The following RABEPK variants were observed in gnomAD, a reference collection of about 807,000 sequenced individuals.
RABEPK encodes the protein 40 kDa Rab9 effector protein.
RABEPK carries 27 observed loss-of-function variants against 34.1 expected under a neutral mutation model. The observed-to-expected ratio is 0.79, with a 90% CI of 0.58 to 1.09. RABEPK has a LOEUF of 1.09. Ranked by LOEUF, RABEPK falls within the 50% of genes least tolerant of loss-of-function variation. RABEPK has a pLI of 0.00. For synonymous variants in RABEPK, 172 were observed against 169.2 expected (o/e 1.02, Z -0.13); for missense variants, 449 against 462.6 (o/e 0.97, Z 0.27).
intron 2 of RABEPK, among the ~76,000 whole-genome samples, chr9:125,205,678 C>T (rs1162130852): frequency 2.6e-5 from 4 of 152,134 alleles, no homozygotes; most frequent in South Asian, 2.1e-4. Flanking sequence ...TTAGTAGAGA[C>T]GGGGTTTCAT....
chr9:125,220,795 C>A, intron 5 of RABEPK, 95 bp downstream of exon 5: 2 of 1,377,592 alleles, frequency 1.5e-6, no homozygotes. Context: ...GAAAGCCTGA[C>A]TAAGTGTCTC....
At chr9:125,202,405 T>C (rs1391069733) in intron 1 of RABEPK, among the ~76,000 whole-genome samples, 3 of 151,096 alleles carry the variant, frequency 2.0e-5, no homozygotes, top group Admixed American at 2.0e-4. Flanking sequence ...ACCTGTAATC[T>C]CAGCTACTCA....
At chr9:125,221,665 A>G (rs1831343482) in intron 5 of RABEPK, 1 of 149,860 alleles carries the variant, frequency 6.7e-6, no homozygotes, top group South Asian at 2.1e-4. Context: ...TGCCTGGGTG[A>G]TTTTTTTTCT....
Position 125,213,407 on chromosome 9 carries a change from C to T in RABEPK, c.249C>T (p.Leu83=). Reference sequence around the variant, plus strand: ...GGGACTTAGATACCTGCAAGGGCCTCTTGCCCCGGTATGAACATGCTAGCT... The same window carrying T: ...GGGACTTAGATACCTGCAAGGGCCTTTTGCCCCGGTATGAACATGCTAGCT... The part of the protein sequence containing the change: ...HQWDLDTCKG[L]LPRYEHASFI... Residue 83 remains leucine, a synonymous_variant, in exon 4 of 8, where the codon CTC becomes CTT. Transcript: ENST00000373538. 1 of 1,613,936 alleles carries T rather than the reference C, an allele frequency of 6.2e-7. No homozygotes were observed. The highest frequency in any genetic ancestry group is 8.5e-7 in the Non-Finnish European group (1 of 1,179,940).
In RABEPK at chr9:125,200,756, C is replaced by A. The variant is rs1309455431; in HGVS notation, c.-157C>A. 2.1e-6 allele frequency: 1 copy of A among 471,096 alleles called. No individual in the cohort carries two copies. Among genetic ancestry groups the A allele is most frequent in the Admixed American group, 2.3e-5 (1 of 42,566 alleles). The allele number at this position is 471,096 out of a possible 1,614,324, so 29.2% of individuals were successfully genotyped here. On this transcript the variant is annotated 5_prime_UTR_variant, in exon 1 of 8. Coordinates refer to ENST00000373538, the MANE Select transcript of RABEPK (RefSeq NM_005833.4). ...TTTGACCGAATCAGCCTGTTCTTTC[C>A]CGACCCCGTCTCCTATCCCCTAGAA... is the stretch of plus-strand genomic sequence containing the variant.
At chr9:125,218,770 G>A (rs565301676) in intron 4 of RABEPK, among the ~76,000 whole-genome samples, 246 of 151,920 alleles carry the variant, frequency 1.6e-3, no homozygotes, top group African/African-American at 5.7e-3. Flanking sequence ...TGTAACCCAG[G>A]CTGGAGTTGC....
chr9:125,229,991 G>A (rs767074433), intron 6 of RABEPK, among the ~76,000 whole-genome samples: 26 of 152,268 alleles, frequency 1.7e-4, no homozygotes, highest in Non-Finnish European at 2.6e-4. Context: ...TTGAGATAGT[G>A]TCTCACTTGG....
intron 5 of RABEPK, among the ~76,000 whole-genome samples, chr9:125,226,408 T>C (rs1831751684): frequency 6.6e-6 from 1 of 151,862 alleles, no homozygotes; most frequent in Non-Finnish European, 1.5e-5. Context: ...ATGAAATTGT[T>C]ATTGAAACAT....
At position 125,232,628 on chromosome 9, in the gene RABEPK, G is replaced by GGGGCTGCTCCAGCAGGCT; in HGVS notation, c.711_728dup (p.Gly242_Cys243insTrpAlaAlaProAlaGly). 1 of 1,613,920 alleles carries GGGGCTGCTCCAGCAGGCT rather than the reference G, an allele frequency of 6.2e-7. No homozygotes were observed. The highest frequency in any genetic ancestry group is 8.5e-7 in the Non-Finnish European group (1 of 1,179,878). On this transcript the variant is annotated inframe_insertion, in exon 7 of 8. Coordinates refer to ENST00000373538, the MANE Select transcript of RABEPK (RefSeq NM_005833.4). ...GAAATGGCAGAAGCTAAATCCCACT[G>GGGGCTGCTCCAGCAGGCT]GGGCTGCTCCAGCAGGCTGTGCTGC...
At chr9:125,205,978 G>T (rs1358308628) in intron 2 of RABEPK, among the ~76,000 whole-genome samples, 2 of 152,136 alleles carry the variant, frequency 1.3e-5, no homozygotes, top group Non-Finnish European at 2.9e-5. Flanking sequence ...GAGGTGGCTG[G>T]TAGGAAAGGA....
At chr9:125,201,499 G>C (rs936853155) in intron 1 of RABEPK, among the ~76,000 whole-genome samples, 30 of 152,280 alleles carry the variant, frequency 2.0e-4, no homozygotes, top group African/African-American at 6.0e-4. Context: ...TCCTTTGAGC[G>C]GAGAGCAGTG....
chr9:125,225,470 G>A (rs1831669393), intron 5 of RABEPK, among the ~76,000 whole-genome samples: 1 of 151,626 alleles, frequency 6.6e-6, no homozygotes, highest in Admixed American at 6.6e-5. Flanking sequence ...GATCTCTTAT[G>A]GTCAGGAGTT....
chr9:125,207,625 T>A lies in RABEPK; in HGVS notation c.115T>A (p.Leu39Ile), dbSNP rs143675460. The A allele has an allele frequency of 6.2e-7, 1 of 1,614,018 alleles. No homozygotes were observed. The highest frequency in any genetic ancestry group is 8.5e-7 in the Non-Finnish European group (1 of 1,179,990). The change falls in exon 3 of 8, where the codon TTA becomes ATA. Residue 39 changes from leucine (L) to isoleucine (I), a missense_variant. Physicochemically the swap from Leu to Ile is conservative, Grantham distance 5. Coordinates refer to ENST00000373538, the MANE Select transcript of RABEPK (RefSeq NM_005833.4). ...TCGAGTTGGCCACAGCTGTTCATAT[T>A]TACCCCCAGTTGGTAATGCCAAGAG... ...CARVGHSCSY[L>I]PPVGNAKRGK...
intron 6 of RABEPK, among the ~76,000 whole-genome samples, chr9:125,230,431 C>CA (rs1277016610): frequency 6.6e-6 from 1 of 152,152 alleles, no homozygotes; most frequent in Admixed American, 6.6e-5. Context: ...GGCCAGGGGA[C>CA]ACTGGCTTTG....
chr9:125,233,605 G>A (rs1832373662), intron 7 of RABEPK, 83 bp from the exon 8 acceptor site: 1 of 1,433,316 alleles, frequency 7.0e-7, no homozygotes, highest in African/African-American at 1.4e-5. Flanking sequence ...GCCTCCCAAA[G>A]TGCTGGGATT....
At chr9:125,207,492 G>T in intron 2 of RABEPK, 72 bp from the exon 3 acceptor site, 1 of 1,472,736 alleles carries the variant, frequency 6.8e-7, no homozygotes, top group Non-Finnish European at 9.4e-7. Flanking sequence ...AATATTTCAT[G>T]AGGAATGGAA....
chr9:125,213,333 C>G (rs1305289186), intron 3 of RABEPK, 37 bp from the exon 4 acceptor site: 3 of 1,593,166 alleles, frequency 1.9e-6, no homozygotes, highest in Non-Finnish European at 2.6e-6. Flanking sequence ...TAATAATTGG[C>G]AGCCCCAATC....
chr9:125,212,795 G>A (rs936145825), intron 3 of RABEPK, among the ~76,000 whole-genome samples: 36 of 151,204 alleles, frequency 2.4e-4, no homozygotes, highest in African/African-American at 8.5e-4. Context: ...TCAGCCTCCC[G>A]AGTAGCTGGG....
intron 4 of RABEPK, among the ~76,000 whole-genome samples, chr9:125,219,629 C>T (rs1831188248): frequency 1.3e-5 from 2 of 152,102 alleles, no homozygotes; most frequent in East Asian, 1.9e-4. Context: ...TCTAGAACTC[C>T]TACCCTCAAG....
Sources: gnomAD v4.1 joint callset for allele counts (sites outside exome capture counted in the v4.1 genomes callset) on GRCh38, gnomAD v4.1.1 for gene constraint, MANE v1.5 for transcripts, NCBI Gene and HGNC (gene_info 2026-07-23, HGNC 2026-07-21) for gene names.